Variants in ABCD2 observed in about 807,000 individuals in gnomAD.
ABCD2 encodes the protein ATP binding cassette subfamily D member 2.
Under a neutral mutation model 70.9 loss-of-function variants are expected in ABCD2, and 36 were observed. That is an observed-to-expected ratio of 0.51 (90% CI 0.39 to 0.67). ABCD2 has a LOEUF of 0.67. Ranked by LOEUF, ABCD2 falls within the 30% of genes least tolerant of loss-of-function variation. ABCD2 has a pLI of 0.00. For missense variants in ABCD2, 729 were observed against 890.2 expected (o/e 0.82, Z 2.30); for synonymous variants, 304 against 306.9 (o/e 0.99, Z 0.10).
chr12:39,600,334 C>T (rs1260912526), intron 6 of ABCD2, among the ~76,000 whole-genome samples: 2 of 151,998 alleles, frequency 1.3e-5, no homozygotes, highest in Non-Finnish European at 2.9e-5. Flanking sequence ...CATCTGCAGT[C>T]TTTGAGTATT....
At position 39,551,456 on chromosome 12, in the gene ABCD2, A is replaced by C. The variant is rs1941086567; in HGVS notation, c.*2456T>G. ...CAGTCTTTTTCATGTTTTCCGTAAAATATAAGAGTAGTAAAATATGGTATA... is the reference window on the plus strand; with the variant it reads ...CAGTCTTTTTCATGTTTTCCGTAAACTATAAGAGTAGTAAAATATGGTATA... On this transcript the variant is annotated 3_prime_UTR_variant, in exon 10 of 10. Coordinates refer to ENST00000308666, the MANE Select transcript of ABCD2 (RefSeq NM_005164.4). 6.6e-6 allele frequency: 1 copy of C among 151,686 alleles called. No homozygotes were observed. The highest frequency in any genetic ancestry group is 2.4e-5 in the African/African-American group (1 of 41,400). The allele number at this position is 151,686 out of a possible 1,614,324, so 9.4% of individuals were successfully genotyped here.
chr12:39,596,114 C>T (rs1941811550), intron 6 of ABCD2, among the ~76,000 whole-genome samples: 1 of 152,098 alleles, frequency 6.6e-6, no homozygotes, highest in Admixed American at 6.5e-5. Context: ...TTATGCTATC[C>T]AGAAGTGTCC....
At chr12:39,571,203 A>G (rs1297503757) in intron 9 of ABCD2, among the ~76,000 whole-genome samples, 1 of 152,188 alleles carries the variant, frequency 6.6e-6, no homozygotes, top group Non-Finnish European at 1.5e-5. Flanking sequence ...AAAATGATCC[A>G]GCAATCCCCC....
chr12:39,615,255 A>C (rs1182617878), intron 2 of ABCD2, among the ~76,000 whole-genome samples: 1 of 151,950 alleles, frequency 6.6e-6, no homozygotes, highest in Non-Finnish European at 1.5e-5. Flanking sequence ...ACTACATCAT[A>C]ATCTTGTCTA....
intron 9 of ABCD2, among the ~76,000 whole-genome samples, chr12:39,572,792 G>T (rs1038642540): frequency 3.3e-5 from 5 of 152,174 alleles, no homozygotes; most frequent in Non-Finnish European, 5.9e-5. Context: ...GCCAGAAAGA[G>T]AGAGAGGAGG....
At chr12:39,534,533 C>T in the ABCD2 span, among the ~76,000 whole-genome samples, 3 of 151,744 alleles carry the variant, frequency 2.0e-5, no homozygotes, top group Non-Finnish European at 2.9e-5. Flanking sequence ...GACTCTAGGC[C>T]GGGCATGGCA....
chr12:39,599,497 T>C (rs2120702378), intron 6 of ABCD2, among the ~76,000 whole-genome samples: 1 of 152,352 alleles, frequency 6.6e-6, no homozygotes, highest in Middle Eastern at 3.4e-3. Context: ...TCACAAAATG[T>C]TATCTATTTT....
At chr12:39,580,210 G>A (rs1179050904) in intron 7 of ABCD2, among the ~76,000 whole-genome samples, 29 of 152,098 alleles carry the variant, frequency 1.9e-4, no homozygotes, top group Admixed American at 1.9e-3. Flanking sequence ...CAAAGTGCTG[G>A]GACTACAGGT....
chr12:39,570,965 C>A (rs1941439219), intron 9 of ABCD2, among the ~76,000 whole-genome samples: 1 of 152,050 alleles, frequency 6.6e-6, no homozygotes, highest in Admixed American at 6.6e-5. Context: ...AAAGAAGATA[C>A]ACACAAATGA....
At chr12:39,605,929 TCTA>T (rs1463794845) in intron 3 of ABCD2, among the ~76,000 whole-genome samples, 2 of 152,216 alleles carry the variant, frequency 1.3e-5, no homozygotes, top group Non-Finnish European at 2.9e-5. Context: ...GAAACACATC[TCTA>T]CTGAGAGATC....
rs1342272906 is a variant in ABCD2 at position 39,552,757 on chromosome 12, T to C, written c.*1155A>G. On this transcript the variant is annotated 3_prime_UTR_variant, in exon 10 of 10. Coordinates refer to ENST00000308666, the MANE Select transcript of ABCD2 (RefSeq NM_005164.4). The stretch of plus-strand genomic sequence containing the variant: ...TAACAATAAGACTAACATTATGAAA[T>C]TTATTTTATTTTCTACACTTCGTCT... 3.9e-5 allele frequency: 6 copies of C among 151,916 alleles called. No individual in the cohort carries two copies. In the East Asian group the frequency reaches 5.8e-4, roughly 15 times the overall value. The allele number at this position is 151,916 out of a possible 1,614,324, so 9.4% of individuals were successfully genotyped here. A position where few individuals can be genotyped will look rare whatever the true frequency, so the allele number is the denominator to read the frequency against.
At chr12:39,564,089 T>C (rs185968640) in intron 9 of ABCD2, among the ~76,000 whole-genome samples, 9 of 152,170 alleles carry the variant, frequency 5.9e-5, no homozygotes, top group Non-Finnish European at 1.3e-4. Flanking sequence ...AATAAACATA[T>C]GTGTGCATGT....
At chr12:39,531,972 T>A in the ABCD2 span, among the ~76,000 whole-genome samples, 1 of 152,254 alleles carries the variant, frequency 6.6e-6, no homozygotes, top group Non-Finnish European at 1.5e-5. Flanking sequence ...AAGATTTTTT[T>A]CTTGCTTATG....
chr12:39,538,466 C>G, the ABCD2 span, among the ~76,000 whole-genome samples: 15 of 152,066 alleles, frequency 9.9e-5, no homozygotes, highest in Middle Eastern at 3.4e-3. Context: ...TGTGTACTTT[C>G]ATTTTCAAGG....
intron 9 of ABCD2, among the ~76,000 whole-genome samples, chr12:39,572,520 G>C (rs552602155): frequency 7.6e-4 from 115 of 152,216 alleles, no homozygotes; most frequent in African/African-American, 2.7e-3. Flanking sequence ...AAAATCTGAA[G>C]GTTTAAACTG....
At chr12:39,614,609 G>C (rs565312426) in intron 2 of ABCD2, among the ~76,000 whole-genome samples, 1 of 151,564 alleles carries the variant, frequency 6.6e-6, no homozygotes, top group African/African-American at 2.4e-5. Flanking sequence ...TAACATAAGG[G>C]ACAAACTAAA....
intron 9 of ABCD2, among the ~76,000 whole-genome samples, chr12:39,563,752 A>G (rs1941297137): frequency 6.6e-6 from 1 of 152,102 alleles, no homozygotes; most frequent in African/African-American, 2.4e-5. Flanking sequence ...CATTAGTTAT[A>G]TCTCCTAATG....
At chr12:39,614,487 CT>C (rs1942088731) in intron 2 of ABCD2, among the ~76,000 whole-genome samples, 1 of 151,964 alleles carries the variant, frequency 6.6e-6, no homozygotes, top group South Asian at 2.1e-4. Context: ...ATTTTATCCT[CT>C]TTTTCCCCCC....
the ABCD2 span, among the ~76,000 whole-genome samples, chr12:39,538,608 C>T: frequency 2.6e-5 from 4 of 151,890 alleles, no homozygotes; most frequent in African/African-American, 9.7e-5. Context: ...ATTTTGCCAA[C>T]GTCTTCCATT....
Sources: gnomAD v4.1 joint callset for allele counts (sites outside exome capture counted in the v4.1 genomes callset) on GRCh38, gnomAD v4.1.1 for gene constraint, MANE v1.5 for transcripts, NCBI Gene and HGNC (gene_info 2026-07-23, HGNC 2026-07-21) for gene names.